The following SCGB1C1 variants were observed in gnomAD, a reference collection of about 807,000 sequenced individuals.
The protein encoded by SCGB1C1 is secretoglobin family 1C member 1, also known as ligand binding protein RYD5.
Under a neutral mutation model 8.9 loss-of-function variants are expected in SCGB1C1, and 2 were observed. The observed-to-expected ratio is 0.23, with a 90% CI of 0.09 to 0.71. The LOEUF (loss-of-function observed/expected upper bound fraction) is 0.71. Ranked by LOEUF, SCGB1C1 falls within the 30% of genes least tolerant of loss-of-function variation. The probability of loss-of-function intolerance (pLI) is 0.78; values close to 1 mark genes in which losing one functional copy is unlikely to be tolerated. For synonymous variants in SCGB1C1, 6 were observed against 45.8 expected (o/e 0.13, Z 3.51); for missense variants, 25 against 112.7 (o/e 0.22, Z 3.52).
chr11:190,185 C>CG (rs1854771699), upstream of SCGB1C1, among the ~76,000 whole-genome samples: 1 of 13,212 alleles, frequency 7.6e-5, no homozygotes, highest in Non-Finnish European at 1.5e-4. Flanking sequence ...GTCGTACGCC[C>CG]CCTGCTGGCA....
upstream of SCGB1C1, among the ~76,000 whole-genome samples, chr11:190,661 C>A (rs1389844683): frequency 6.6e-6 from 1 of 152,312 alleles, no homozygotes. Context: ...ACTTGCCCCA[C>A]TTAGGCTTGT....
At chr11:191,447 A>G (rs1339832325), upstream of SCGB1C1, among the ~76,000 whole-genome samples, 3 of 118,042 alleles carry the variant, frequency 2.5e-5, no homozygotes, top group Admixed American at 3.0e-4. Flanking sequence ...AAGAGAACAA[A>G]AAGACAAGCC....
chr11:190,726 TC>T (rs1266980675), upstream of SCGB1C1, among the ~76,000 whole-genome samples: 7 of 152,230 alleles, frequency 4.6e-5, no homozygotes, highest in Non-Finnish European at 5.9e-5. Flanking sequence ...ACGAATCCAC[TC>T]TGGCACCAGC....
chr11:193,625 G>A, intron 1 of SCGB1C1, 87 bp from the exon 2 acceptor site: 1 of 1,572,702 alleles, frequency 6.4e-7, no homozygotes. Flanking sequence ...GGAGACCATG[G>A]AGGTTGGAGC....
upstream of SCGB1C1, among the ~76,000 whole-genome samples, chr11:191,709 T>C (rs1314559250): frequency 1.3e-5 from 2 of 152,262 alleles, no homozygotes; most frequent in East Asian, 1.9e-4. Context: ...CTAAACTCTT[T>C]TAAAAATGAC....
chr11:189,363 T>C (rs561436752), upstream of SCGB1C1, among the ~76,000 whole-genome samples: 24 of 152,378 alleles, frequency 1.6e-4, no homozygotes, highest in South Asian at 4.2e-3. Flanking sequence ...CAGGACCTCC[T>C]GAGGCTGTGT....
At chr11:189,414 AT>A (rs1320107954), upstream of SCGB1C1, among the ~76,000 whole-genome samples, 2 of 150,998 alleles carry the variant, frequency 1.3e-5, no homozygotes, top group Non-Finnish European at 2.9e-5. Context: ...AGCTTTCTAA[AT>A]TGACAGAGAC....
chr11:192,359 G>A (rs1382251585), upstream of SCGB1C1, among the ~76,000 whole-genome samples: 3 of 151,946 alleles, frequency 2.0e-5, no homozygotes, highest in Non-Finnish European at 4.4e-5. Context: ...AACCTGGGGG[G>A]TTGAACCCCA....
At chr11:191,911 T>G (rs2133721229), upstream of SCGB1C1, among the ~76,000 whole-genome samples, 1 of 149,780 alleles carries the variant, frequency 6.7e-6, no homozygotes, top group African/African-American at 2.5e-5. Context: ...CCCTAACCCT[T>G]ACCGGTGACC....
upstream of SCGB1C1, among the ~76,000 whole-genome samples, chr11:190,287 C>T (rs796663962): frequency 0.15 from 15,523 of 102,380 alleles, no homozygotes; most frequent in African/African-American, 0.18. Flanking sequence ...CTCTTGGTCC[C>T]GGTGTGACGG....
chr11:190,126 C>CGGAGCCTATTGCTGTCAGTG (rs1854769458), upstream of SCGB1C1, among the ~76,000 whole-genome samples: 1 of 105,882 alleles, frequency 9.4e-6, no homozygotes, highest in Non-Finnish European at 2.2e-5. Context: ...CGTACGCCGC[C>CGGAGCCTATTGCTGTCAGTG]TGCTGGCAGC....
upstream of SCGB1C1, among the ~76,000 whole-genome samples, chr11:191,774 T>A (rs1186593980): frequency 1.3e-5 from 2 of 152,308 alleles, no homozygotes; most frequent in Non-Finnish European, 2.9e-5. Context: ...ACACAGCGTA[T>A]AAGACCAAAA....
upstream of SCGB1C1, among the ~76,000 whole-genome samples, chr11:188,344 G>A (rs1158571475): frequency 6.6e-6 from 1 of 150,440 alleles, no homozygotes; most frequent in African/African-American, 2.4e-5. Flanking sequence ...AAGACATTAA[G>A]CTGAAATTAA....
chr11:191,932 C>G (rs1464203932), upstream of SCGB1C1, among the ~76,000 whole-genome samples: 18 of 152,192 alleles, frequency 1.2e-4, no homozygotes, highest in African/African-American at 4.3e-4. Flanking sequence ...CTACTGTATC[C>G]CTGACTCCTA....
At position 194,550 on chromosome 11, in the gene SCGB1C1, G is replaced by C. The variant is rs568946039; in HGVS notation, c.*100G>C. ...CCACATGGAAATGTATCCTCAAACC[G>C]TTTAATCAATAAAGCCTCTTCCGCA... On this transcript the variant is annotated 3_prime_UTR_variant, in exon 3 of 3. Coordinates refer to ENST00000342878, the MANE Select transcript of SCGB1C1 (RefSeq NM_145651.3). 1.7e-6 allele frequency: 1 copy of C among 583,208 alleles called. No homozygotes were observed. The highest frequency in any genetic ancestry group is 2.0e-5 in the African/African-American group (1 of 49,944). The allele number at this position is 583,208 out of a possible 1,614,324, so 36.1% of individuals were successfully genotyped here. A position where few individuals can be genotyped will look rare whatever the true frequency, so the allele number is the denominator to read the frequency against.
At chr11:191,824 CCCCTA>C (rs1854813199), upstream of SCGB1C1, among the ~76,000 whole-genome samples, 1 of 65,504 alleles carries the variant, frequency 1.5e-5, no homozygotes, top group South Asian at 4.0e-4. Context: ...TAACCCCTAA[CCCCTA>C]ACCCTAACCC....
chr11:192,554 A>T (rs1854831863), upstream of SCGB1C1, among the ~76,000 whole-genome samples: 1 of 144,976 alleles, frequency 6.9e-6, no homozygotes, highest in Non-Finnish European at 1.5e-5. Flanking sequence ...CACCCCATAG[A>T]TCCACAGCCC....
At chr11:189,957 G>A (rs1393401566), upstream of SCGB1C1, among the ~76,000 whole-genome samples, 5 of 151,968 alleles carry the variant, frequency 3.3e-5, no homozygotes, top group Admixed American at 3.3e-4. Flanking sequence ...CTGGCAGATG[G>A]GGACACTGCC....
At chr11:190,721 T>A (rs1854786507), upstream of SCGB1C1, among the ~76,000 whole-genome samples, 1 of 152,310 alleles carries the variant, frequency 6.6e-6, no homozygotes, top group Non-Finnish European at 1.5e-5. Context: ...TCAATACGAA[T>A]CCACTCTGGC....
Sources: allele counts gnomAD v4.1 joint callset (sites outside exome capture counted in the v4.1 genomes callset), GRCh38; gene constraint gnomAD v4.1.1; transcripts MANE v1.5; gene names NCBI Gene and HGNC (gene_info 2026-07-23, HGNC 2026-07-21).